SRGAP1: variants seen among roughly 807,000 people sequenced by gnomAD.
SRGAP1 encodes the protein SLIT-ROBO Rho GTPase-activating protein 1.
A neutral mutation model predicts 121.9 loss-of-function variants in SRGAP1; 43 were observed. The observed-to-expected ratio is 0.35, with a 90% confidence interval of 0.28 to 0.46. SRGAP1 has a LOEUF of 0.46. Among genes scored for constraint, SRGAP1 ranks in the 20% least tolerant of loss-of-function variants. SRGAP1 has a pLI of 1.00. For synonymous variants in SRGAP1, 447 were observed against 485.4 expected (o/e 0.92, Z 1.04); for missense variants, 1,102 against 1,350.9 (o/e 0.82, Z 2.89).
intron 21 of SRGAP1, among the ~76,000 whole-genome samples, chr12:64,140,645 G>C (rs1409687930): frequency 6.8e-6 from 1 of 146,382 alleles, no homozygotes; most frequent in East Asian, 2.1e-4. Flanking sequence ...AGGATGTGGA[G>C]AAATAGGAAC....
At chr12:64,121,419 A>T (rs1371663500) in intron 18 of SRGAP1, among the ~76,000 whole-genome samples, 3 of 151,046 alleles carry the variant, frequency 2.0e-5, no homozygotes, top group East Asian at 1.9e-4. Flanking sequence ...TTTTATTTTT[A>T]TTTTTTTTCT....
intron 1 of SRGAP1, among the ~76,000 whole-genome samples, chr12:63,929,320 A>C (rs1248175415): frequency 1.3e-5 from 2 of 152,210 alleles, no homozygotes; most frequent in Admixed American, 6.5e-5. Context: ...AAATGAAGTT[A>C]GTATCTACCT....
rs1249028356 is a variant in SRGAP1 at position 64,155,576 on chromosome 12, TAAAC to T, written c.*12907_*12910del. On this transcript the variant is annotated 3_prime_UTR_variant, in exon 22 of 22. Transcript: ENST00000355086. ...ATAAATAAATAAATATATTAAAAAA[TAAAC>T]AAGTTCAGGCTTGTTAAATATTTTT... 2.0e-5 allele frequency: 3 copies of T among 151,938 alleles called. No individual in the cohort carries two copies. The highest frequency in any genetic ancestry group is 3.9e-4 in the East Asian group (2 of 5,118). 9.4% of individuals were successfully genotyped at this position (151,938 alleles called of 1,614,324 possible).
At chr12:64,140,152 G>C (rs1357692814) in intron 21 of SRGAP1, among the ~76,000 whole-genome samples, 1 of 143,070 alleles carries the variant, frequency 7.0e-6, no homozygotes, top group Non-Finnish European at 1.5e-5. Context: ...TAGCCTTGTA[G>C]TATAGTTTGA....
chr12:64,008,300 A>T (rs1286465638), intron 3 of SRGAP1, among the ~76,000 whole-genome samples: 2 of 152,146 alleles, frequency 1.3e-5, no homozygotes, highest in African/African-American at 2.4e-5. Flanking sequence ...GATTTTTAAA[A>T]TTTCTCTGAT....
intron 1 of SRGAP1, among the ~76,000 whole-genome samples, chr12:63,969,399 A>G (rs1305038058): frequency 6.6e-6 from 1 of 152,286 alleles, no homozygotes; most frequent in African/African-American, 2.4e-5. Context: ...AAAGAAAAAG[A>G]AATCGTGCTT....
chr12:63,909,342 G>GT (rs902201450), intron 1 of SRGAP1, among the ~76,000 whole-genome samples: 3 of 152,206 alleles, frequency 2.0e-5, no homozygotes, highest in Non-Finnish European at 2.9e-5. Flanking sequence ...AGATATGACT[G>GT]TTTCCACCTA....
At chr12:64,065,629 C>T (rs990701046) in intron 8 of SRGAP1, among the ~76,000 whole-genome samples, 6 of 152,198 alleles carry the variant, frequency 3.9e-5, no homozygotes, top group African/African-American at 1.4e-4. Context: ...AGACTGGACT[C>T]AAACTGCCGG....
intron 1 of SRGAP1, among the ~76,000 whole-genome samples, chr12:63,853,384 T>C (rs1351457511): frequency 6.6e-6 from 1 of 152,186 alleles, no homozygotes; most frequent in Non-Finnish European, 1.5e-5. Flanking sequence ...GTCACTCAGC[T>C]GGAAACATTC....
At chr12:63,966,577 AT>A (rs1461469609) in intron 1 of SRGAP1, among the ~76,000 whole-genome samples, 6 of 152,076 alleles carry the variant, frequency 3.9e-5, no homozygotes, top group Admixed American at 3.3e-4. Flanking sequence ...CTACCACCCC[AT>A]ATTCTAATTT....
At chr12:64,029,029 C>T (rs1182207397) in intron 4 of SRGAP1, among the ~76,000 whole-genome samples, 1 of 152,136 alleles carries the variant, frequency 6.6e-6, no homozygotes, top group African/African-American at 2.4e-5. Flanking sequence ...GGTGAGTAAA[C>T]CCAGGAACAT....
chr12:63,924,996 G>A (rs961137654), intron 1 of SRGAP1, among the ~76,000 whole-genome samples: 1 of 151,886 alleles, frequency 6.6e-6, no homozygotes, highest in African/African-American at 2.4e-5. Context: ...GGCTATTTAT[G>A]GCTCTCAAGT....
intron 11 of SRGAP1, among the ~76,000 whole-genome samples, chr12:64,087,484 A>G (rs2136576694): frequency 6.6e-6 from 1 of 152,322 alleles, no homozygotes; most frequent in Admixed American, 6.5e-5. Flanking sequence ...CTGTAATCCC[A>G]GCACTTTGGG....
intron 7 of SRGAP1, among the ~76,000 whole-genome samples, chr12:64,063,946 TTA>T (rs991940763): frequency 6.6e-6 from 1 of 151,218 alleles, no homozygotes. Flanking sequence ...TATATATATT[TTA>T]TATATATATA....
chr12:64,115,923 C>A, intron 18 of SRGAP1, 30 bp downstream of exon 18: 3 of 1,559,912 alleles, frequency 1.9e-6, no homozygotes, highest in Non-Finnish European at 2.6e-6. Context: ...TATTATAAAG[C>A]CAGTCTTTAT....
chr12:63,915,469 TA>T (rs1174081591), intron 1 of SRGAP1, among the ~76,000 whole-genome samples: 1 of 152,150 alleles, frequency 6.6e-6, no homozygotes, highest in Non-Finnish European at 1.5e-5. Context: ...TATAATTTGA[TA>T]AAAAATTATG....
At position 63,849,239 on chromosome 12, in the gene SRGAP1, G is replaced by A. The variant is rs551725703; in HGVS notation, c.67+4356G>A. 3.3e-5 allele frequency among the ~76,000 whole-genome samples: 5 copies of A among 152,318 alleles called. No individual in the cohort carries two copies. In the South Asian group the frequency reaches 1.0e-3, roughly 32 times the overall value. On this transcript the variant is annotated intron_variant, in intron 1 of 21. Transcript: ENST00000355086. ...CATCTCTGGCAAATAGCGTAGCAGT[G>A]GAAGGGATTGAATAATTGGCTAGCA...
chr12:64,097,147 T>C, intron 14 of SRGAP1, 94 bp from the exon 15 acceptor site: 1 of 1,263,136 alleles, frequency 7.9e-7, no homozygotes, highest in Non-Finnish European at 1.1e-6. Flanking sequence ...AAAAGATACA[T>C]GTATATATAG....
At chr12:64,065,243 C>T (rs555393375) in intron 8 of SRGAP1, 24 bp downstream of exon 8, 9 of 1,556,428 alleles carry the variant, frequency 5.8e-6, no homozygotes, top group South Asian at 1.1e-5. Context: ...CGTCCTGCCA[C>T]ACCAGTAATC....
Sources: gnomAD v4.1 joint callset for allele counts (sites outside exome capture counted in the v4.1 genomes callset) on GRCh38, gnomAD v4.1.1 for gene constraint, MANE v1.5 for transcripts, NCBI Gene and HGNC (gene_info 2026-07-23, HGNC 2026-07-21) for gene names.